Variants in KDM4C observed in about 807,000 individuals in gnomAD.
KDM4C encodes lysine demethylase 4C.
KDM4C carries 81 observed loss-of-function variants against 129.3 expected under a neutral mutation model. The observed-to-expected ratio is 0.63, with a 90% CI of 0.52 to 0.75. KDM4C has a LOEUF of 0.75. Ranked by LOEUF, KDM4C falls within the 30% of genes least tolerant of loss-of-function variation. The pLI is 0.00. For synonymous variants in KDM4C, 573 were observed against 456.1 expected, an observed-to-expected ratio of 1.26 and a Z score of -3.26; for missense variants, 1,457 against 1,304.0, an observed-to-expected ratio of 1.12 and a Z score of -1.81.
intron 5 of KDM4C, among the ~76,000 whole-genome samples, chr9:6,877,707 T>C (rs996535802): frequency 1.3e-5 from 2 of 152,228 alleles, no homozygotes; most frequent in African/African-American, 4.8e-5. Context: ...TGCTCTGATT[T>C]TATTGTTCAT....
chr9:6,803,357 T>G (rs979942252), intron 2 of KDM4C, among the ~76,000 whole-genome samples: 3 of 152,072 alleles, frequency 2.0e-5, no homozygotes, highest in Non-Finnish European at 4.4e-5. Flanking sequence ...CGGATCACGC[T>G]GTCAAGAGAT....
At chr9:7,044,175 C>T (rs1001585573) in intron 15 of KDM4C, among the ~76,000 whole-genome samples, 1 of 151,920 alleles carries the variant, frequency 6.6e-6, no homozygotes, top group Admixed American at 6.6e-5. Context: ...GTACCTGAGC[C>T]AGGGGATTGG....
intron 12 of KDM4C, among the ~76,000 whole-genome samples, chr9:7,007,833 A>C (rs1821959552): frequency 6.6e-6 from 1 of 152,226 alleles, no homozygotes; most frequent in Non-Finnish European, 1.5e-5. Context: ...CAATAAAAAC[A>C]ACATTTACAT....
At chr9:6,942,944 T>C (rs530079436) in intron 8 of KDM4C, among the ~76,000 whole-genome samples, 5 of 152,246 alleles carry the variant, frequency 3.3e-5, no homozygotes, top group East Asian at 1.9e-4. Context: ...CGGCCCCTTG[T>C]AGCCCCAACC....
At chr9:7,127,400 C>G (rs940757705) in intron 18 of KDM4C, among the ~76,000 whole-genome samples, 4 of 152,108 alleles carry the variant, frequency 2.6e-5, no homozygotes, top group Admixed American at 2.0e-4. Flanking sequence ...ATCCTGAGAA[C>G]AAGAGAACAT....
chr9:7,048,862 G>A (rs946143394), intron 16 of KDM4C, among the ~76,000 whole-genome samples: 1 of 152,060 alleles, frequency 6.6e-6, no homozygotes, highest in Non-Finnish European at 1.5e-5. Flanking sequence ...GGATAGAGTC[G>A]TGGGCCTTTA....
rs187641248 is a variant in KDM4C at position 7,159,110 on chromosome 9, C to G, written c.2782-6128C>G. 7.2e-3 allele frequency among the ~76,000 whole-genome samples: 1,100 copies of G among 152,268 alleles called. 7 individuals are homozygous for G. The highest frequency in any genetic ancestry group is 0.01 in the Non-Finnish European group (711 of 68,012). On this transcript the variant is annotated intron_variant, in intron 19 of 21. Transcript: ENST00000381309. ...CATTATGTAATGGCCTTCTTTGTCTCTTTTGATTTTGTTGGTTTGAAGTCT... is the reference window on the plus strand; with the variant it reads ...CATTATGTAATGGCCTTCTTTGTCTGTTTTGATTTTGTTGGTTTGAAGTCT...
intron 4 of KDM4C, among the ~76,000 whole-genome samples, chr9:6,819,263 CT>C (rs1233917060): frequency 6.6e-6 from 1 of 152,080 alleles, no homozygotes; most frequent in Non-Finnish European, 1.5e-5. Flanking sequence ...GGTTGATGGA[CT>C]TTGGTTTGCA....
intron 7 of KDM4C, among the ~76,000 whole-genome samples, chr9:6,892,469 C>G (rs1219876886): frequency 1.3e-5 from 2 of 152,042 alleles, no homozygotes; most frequent in African/African-American, 4.8e-5. Context: ...TTTAAAGGCT[C>G]AGGCTTATTT....
intron 13 of KDM4C, 132 bp from the exon 14 acceptor site, chr9:7,013,656 G>T: frequency 1.3e-6 from 1 of 770,120 alleles, no homozygotes; most frequent in Non-Finnish European, 2.0e-6. Context: ...CTAGTAGTTT[G>T]GTCAAGGAGA....
At chr9:6,807,065 G>A (rs899387989) in intron 3 of KDM4C, among the ~76,000 whole-genome samples, 1 of 151,922 alleles carries the variant, frequency 6.6e-6, no homozygotes, top group African/African-American at 2.4e-5. Context: ...CGCCTGACTG[G>A]TTTTGGTGGA....
At chr9:7,165,459 G>C (rs1844282128) in intron 20 of KDM4C, 102 bp downstream of exon 20, 3 of 1,314,408 alleles carry the variant, frequency 2.3e-6, no homozygotes, top group Admixed American at 2.1e-5. Flanking sequence ...ACATGAATTT[G>C]GGACACCTCT....
rs999369554 is a variant in KDM4C at position 6,863,793 on chromosome 9, C to CAAA, written c.629+14110_629+14112dup. ...TGGGCGACACAGCGAGACTCCATCT[C>CAAA]AAAAAAAAAAAAAAAAAAAGAGAGA... On this transcript the variant is annotated intron_variant, in intron 5 of 21. Transcript: ENST00000381309. 1.2e-3 allele frequency among the ~76,000 whole-genome samples: 83 copies of CAAA among 70,284 alleles called. 2 individuals carry two copies. Among genetic ancestry groups the CAAA allele is most frequent in the African/African-American group, 3.6e-3 (64 of 17,822 alleles). The allele number at this position is 70,284 out of a possible 152,430, so 46.1% of individuals were successfully genotyped here. A position where few individuals can be genotyped will look rare whatever the true frequency, so the allele number is the denominator to read the frequency against.
rs77178626 is a variant in KDM4C at position 7,117,846 on chromosome 9, C to T, written c.2611-10220C>T. ...TAATGAAATTGGATGTGACTGTAGG[C>T]GAAGCTCATGCCAGGTTTTAGCTTA... On this transcript the variant is annotated intron_variant, in intron 18 of 21. Coordinates refer to ENST00000381309, the MANE Select transcript of KDM4C (RefSeq NM_015061.6). 1.9e-3 allele frequency among the ~76,000 whole-genome samples: 295 copies of T among 152,264 alleles called. 5 individuals are homozygous for T. In the East Asian group the frequency reaches 0.052, roughly 27 times the overall value.
At chr9:6,759,074 C>T (rs143970025) in intron 1 of KDM4C, among the ~76,000 whole-genome samples, 44 of 152,258 alleles carry the variant, frequency 2.9e-4, no homozygotes, top group African/African-American at 9.9e-4. Flanking sequence ...TTGTCAGGTT[C>T]CTTCTTCCGG....
intron 4 of KDM4C, among the ~76,000 whole-genome samples, chr9:6,826,890 T>A (rs934411540): frequency 2.0e-5 from 3 of 151,590 alleles, no homozygotes; most frequent in African/African-American, 7.3e-5. Context: ...AGAAAATGTA[T>A]CTTATTTTTA....
At chr9:7,011,901 GT>G in intron 13 of KDM4C, 22 bp downstream of exon 13, 1 of 1,599,760 alleles carries the variant, frequency 6.3e-7, no homozygotes, top group Non-Finnish European at 8.6e-7. Context: ...TGCTATCATA[GT>G]TCCCTTCACT....
chr9:6,749,242 C>G (rs1817990002), intron 1 of KDM4C, among the ~76,000 whole-genome samples: 1 of 152,134 alleles, frequency 6.6e-6, no homozygotes, highest in African/African-American at 2.4e-5. Context: ...TGGTTTCGAA[C>G]CCCCGACCTC....
intron 8 of KDM4C, among the ~76,000 whole-genome samples, chr9:6,958,687 A>T (rs377437295): frequency 8.8e-5 from 12 of 136,350 alleles, no homozygotes; most frequent in Middle Eastern, 3.8e-3. Flanking sequence ...TCTTTATATG[A>T]TTTTTTTTTT....
Sources: allele counts gnomAD v4.1 joint callset (sites outside exome capture counted in the v4.1 genomes callset), GRCh38; gene constraint gnomAD v4.1.1; transcripts MANE v1.5; gene names NCBI Gene and HGNC (gene_info 2026-07-23, HGNC 2026-07-21).